Variants in TNFAIP8 observed in about 807,000 individuals in gnomAD.
The protein encoded by TNFAIP8 is TNF alpha induced protein 8, also known as tumor necrosis factor alpha-induced protein 8.
A neutral mutation model predicts 13.3 loss-of-function variants in TNFAIP8; 7 were observed. The observed-to-expected ratio is 0.52, with a 90% CI of 0.30 to 0.99. The LOEUF (loss-of-function observed/expected upper bound fraction) is 0.99. Among genes scored for constraint, TNFAIP8 ranks in the 50% least tolerant of loss-of-function variants. The pLI is 0.07. For missense variants in TNFAIP8, 258 were observed against 236.9 expected (o/e 1.09, Z -0.58); for synonymous variants, 94 against 87.6 (o/e 1.07, Z -0.41).
chr5:119,295,347 T>C (rs1296631237), intron 1 of TNFAIP8, among the ~76,000 whole-genome samples: 1 of 151,838 alleles, frequency 6.6e-6, no homozygotes, highest in Non-Finnish European at 1.5e-5. Flanking sequence ...TTTCTACATA[T>C]GGCTAGCCAG....
At chr5:119,316,109 A>G (rs962601589) in intron 1 of TNFAIP8, 2 of 152,190 alleles carry the variant, frequency 1.3e-5, no homozygotes, top group Admixed American at 6.5e-5. Flanking sequence ...CTAAAAGGGT[A>G]AAGAACTTTG....
chr5:119,273,794 G>A (rs961331574), intron 1 of TNFAIP8, among the ~76,000 whole-genome samples: 2 of 152,132 alleles, frequency 1.3e-5, no homozygotes, highest in Non-Finnish European at 2.9e-5. Context: ...GGCAGGGACC[G>A]CATCTGCAGG....
chr5:119,382,401 A>G (rs1037153199), intron 1 of TNFAIP8, among the ~76,000 whole-genome samples: 2 of 152,178 alleles, frequency 1.3e-5, no homozygotes, highest in African/African-American at 4.8e-5. Flanking sequence ...AAACCACAGT[A>G]TCTTATACAT....
At chr5:119,312,424 A>G (rs901158479) in intron 1 of TNFAIP8, among the ~76,000 whole-genome samples, 1 of 152,212 alleles carries the variant, frequency 6.6e-6, no homozygotes, top group African/African-American at 2.4e-5. Flanking sequence ...TGCTCACCAT[A>G]TTTTAATTTT....
At chr5:119,281,306 A>T (rs78486272) in intron 1 of TNFAIP8, among the ~76,000 whole-genome samples, 1,381 of 114,208 alleles carry the variant, frequency 0.012, 40 homozygotes, top group African/African-American at 0.04. Context: ...ACACACACAC[A>T]CTCTCTCTCT....
chr5:119,291,561 T>C (rs1182198951), intron 1 of TNFAIP8, among the ~76,000 whole-genome samples: 3 of 152,250 alleles, frequency 2.0e-5, no homozygotes, highest in African/African-American at 7.2e-5. Context: ...TTATTTTGCG[T>C]AAGTTAAACT....
At chr5:119,284,387 A>G (rs1251631052) in intron 1 of TNFAIP8, among the ~76,000 whole-genome samples, 4 of 152,114 alleles carry the variant, frequency 2.6e-5, no homozygotes, top group Admixed American at 6.5e-5. Context: ...TTTTTCTCAG[A>G]GCTATTTAAA....
At chr5:119,340,395 T>TGTGCCCAAAGGC (rs1356933224) in intron 1 of TNFAIP8, among the ~76,000 whole-genome samples, 1 of 152,224 alleles carries the variant, frequency 6.6e-6, no homozygotes, top group Non-Finnish European at 1.5e-5. Context: ...AGAGGACCAC[T>TGTGCCCAAAGGC]GTGCCCAAAG....
chr5:119,356,204 T>G, intron 1 of TNFAIP8, 83 bp downstream of exon 1: 1 of 1,288,988 alleles, frequency 7.8e-7, no homozygotes, highest in Non-Finnish European at 1.1e-6. Flanking sequence ...GGATGGGAGT[T>G]TTAAAGTGAG....
chr5:119,300,679 G>C (rs974491239), intron 1 of TNFAIP8, among the ~76,000 whole-genome samples: 1 of 152,288 alleles, frequency 6.6e-6, no homozygotes, highest in Middle Eastern at 3.4e-3. Flanking sequence ...GAGGCACAGA[G>C]AAACTGAATA....
At chr5:119,388,882 G>T (rs1382346113) in intron 1 of TNFAIP8, among the ~76,000 whole-genome samples, 1 of 151,536 alleles carries the variant, frequency 6.6e-6, no homozygotes, top group East Asian at 1.9e-4. Flanking sequence ...GGGCTCAAGT[G>T]ATCCTCCCAC....
At chr5:119,355,678 CT>C (rs377189156), upstream of TNFAIP8, 796 of 344,554 alleles carry the variant, frequency 2.3e-3, 6 homozygotes, top group African/African-American at 0.015. Context: ...TGAGATGAGA[CT>C]TTTTTTTTCT....
chr5:119,392,880 A>C lies in TNFAIP8; in HGVS notation c.96A>C (p.Lys32Asn). The C allele has an allele frequency of 6.3e-7, 1 of 1,577,698 alleles. No individual in the cohort carries two copies. The highest frequency in any genetic ancestry group is 1.7e-4 in the Middle Eastern group (1 of 6,028). Residue 32 changes from lysine to asparagine, a missense_variant, in exon 2 of 2, where the codon AAA (lysine) becomes AAC (asparagine). Lys to Asn is a moderately conservative substitution (Grantham distance 94). Transcript: ENST00000504771. ...AGGCACAAAAGAAGATCTTGGGTAA[A>C]ATGGTGTCCAAATCCATCGCCACCA... The part of the protein sequence containing the change: ...AVQAQKKILG[K>N]MVSKSIATTL...
chr5:119,352,702 CTT>C (rs1751214695), upstream of TNFAIP8, among the ~76,000 whole-genome samples: 1 of 152,032 alleles, frequency 6.6e-6, no homozygotes, highest in African/African-American at 2.4e-5. Context: ...AAAGTCAGGC[CTT>C]TAAAAAAAAC....
chr5:119,359,889 T>A (rs1240344964), intron 1 of TNFAIP8, among the ~76,000 whole-genome samples: 1 of 152,222 alleles, frequency 6.6e-6, no homozygotes, highest in Non-Finnish European at 1.5e-5. Context: ...ACACCGGACT[T>A]TGACGTGCTT....
chr5:119,291,416 G>A (rs1748982700), intron 1 of TNFAIP8, among the ~76,000 whole-genome samples: 1 of 152,226 alleles, frequency 6.6e-6, no homozygotes, highest in African/African-American at 2.4e-5. Context: ...CAGTGGATTC[G>A]ATTTACGTAA....
intron 1 of TNFAIP8, among the ~76,000 whole-genome samples, chr5:119,337,568 CAT>C (rs34759568): frequency 0.012 from 1,863 of 151,936 alleles, 16 homozygotes; most frequent in Middle Eastern, 0.024. Flanking sequence ...AACTCAGGGT[CAT>C]GTGCTTGGAA....
chr5:119,393,266 A>T lies in TNFAIP8; in HGVS notation c.482A>T (p.His161Leu). ...GGACGGGTTAATAATGTGTTTGATC[A>T]TTTTTCAGATTGTGAATTTTTGGCT... is the stretch of plus-strand genomic sequence containing the variant. ...SHGRVNNVFD[H>L]FSDCEFLAAL... Residue 161 changes from histidine to leucine, a missense_variant, in exon 2 of 2, where the codon CAT becomes CTT. His to Leu is a moderately conservative substitution (Grantham distance 99). Coordinates refer to ENST00000504771, the MANE Select transcript of TNFAIP8 (RefSeq NM_014350.4). 1 of 1,613,952 alleles carries T rather than the reference A, an allele frequency of 6.2e-7. No homozygotes were observed. The highest frequency in any genetic ancestry group is 8.5e-7 in the Non-Finnish European group (1 of 1,179,888).
At chr5:119,355,162 G>T (rs1165702094), upstream of TNFAIP8, 1 of 630,034 alleles carries the variant, frequency 1.6e-6, no homozygotes, top group African/African-American at 1.8e-5. Flanking sequence ...AAGGCTGTCC[G>T]GCTTCTTTAT....
Sources: allele counts gnomAD v4.1 joint callset (sites outside exome capture counted in the v4.1 genomes callset), GRCh38; gene constraint gnomAD v4.1.1; transcripts MANE v1.5; gene names NCBI Gene and HGNC (gene_info 2026-07-23, HGNC 2026-07-21).